FSAF1: variants seen among roughly 807,000 people sequenced by gnomAD.
FSAF1 encodes uncharacterized protein C1orf131.
At chr1:231,225,922 G>C in the FSAF1 span, 1 of 169,116 alleles carries the variant, frequency 5.9e-6, no homozygotes, top group Non-Finnish European at 1.1e-5. Flanking sequence ...GTGAAAGGTA[G>C]AAAGTGTAAC....
At chr1:231,226,859 A>G in the FSAF1 span, 1 of 1,591,500 alleles carries the variant, frequency 6.3e-7, no homozygotes, top group Non-Finnish European at 8.6e-7. Context: ...AAACCATCAT[A>G]TTTTATTCTG....
chr1:231,233,644 C>G, the FSAF1 span, among the ~76,000 whole-genome samples: 1 of 152,092 alleles, frequency 6.6e-6, no homozygotes, highest in Non-Finnish European at 1.5e-5. Context: ...ACTCCGCCTA[C>G]CGGGTTCAAG....
the FSAF1 span, chr1:231,239,018 C>T: frequency 5.6e-6 from 9 of 1,614,186 alleles, no homozygotes; most frequent in African/African-American, 2.7e-5. Context: ...CAATGCCGCT[C>T]TTCTCTAAGT....
At chr1:231,230,808 C>T in the FSAF1 span, among the ~76,000 whole-genome samples, 1 of 152,220 alleles carries the variant, frequency 6.6e-6, no homozygotes, top group African/African-American at 2.4e-5. Flanking sequence ...GAACTCTGCA[C>T]TTAATTCACA....
At chr1:231,227,565 G>A in the FSAF1 span, among the ~76,000 whole-genome samples, 167 of 150,320 alleles carry the variant, frequency 1.1e-3, no homozygotes, top group Middle Eastern at 3.5e-3. Flanking sequence ...GTGAGCCACC[G>A]TGCCTGGCTC....
chr1:231,240,052 T>C, the FSAF1 span, among the ~76,000 whole-genome samples: 1 of 152,198 alleles, frequency 6.6e-6, no homozygotes, highest in Non-Finnish European at 1.5e-5. This position sits in a 1 kb window ranked among gnomAD's most constrained non-coding sequence, Gnocchi z 4.1. Context: ...AAGCATGGGG[T>C]CTGGGGCTAG....
the FSAF1 span, among the ~76,000 whole-genome samples, chr1:231,235,495 C>CAA: frequency 2.0e-4 from 26 of 130,866 alleles, no homozygotes; most frequent in African/African-American, 6.8e-4. Context: ...GACTCCATCT[C>CAA]AAAAAAAAAA....
At chr1:231,231,752 A>G in the FSAF1 span, among the ~76,000 whole-genome samples, 1 of 152,170 alleles carries the variant, frequency 6.6e-6, no homozygotes, top group Non-Finnish European at 1.5e-5. Context: ...CGGCCTACAA[A>G]AGAAAGGAGC....
the FSAF1 span, chr1:231,224,240 C>T: frequency 6.3e-7 from 1 of 1,587,300 alleles, no homozygotes; most frequent in African/African-American, 1.4e-5. Context: ...CTGCAGTTGA[C>T]TCAGTTGTTC....
chr1:231,226,440 C>G, the FSAF1 span: 8 of 452,358 alleles, frequency 1.8e-5, no homozygotes, highest in Non-Finnish European at 3.2e-5. Context: ...GTCTGCAGAA[C>G]CATGCTCCAA....
the FSAF1 span, among the ~76,000 whole-genome samples, chr1:231,230,290 A>C: frequency 6.6e-6 from 1 of 152,178 alleles, no homozygotes; most frequent in Non-Finnish European, 1.5e-5. Flanking sequence ...GATGGCTGTG[A>C]GCAGGAATTT....
chr1:231,239,077 C>T, the FSAF1 span: 670 of 1,614,204 alleles, frequency 4.2e-4, no homozygotes, highest in Admixed American at 6.5e-4. Flanking sequence ...TATGAGAGAA[C>T]CAGGTAGGGG....
chr1:231,228,337 G>A, the FSAF1 span, among the ~76,000 whole-genome samples: 27 of 152,216 alleles, frequency 1.8e-4, no homozygotes, highest in East Asian at 2.5e-3. Flanking sequence ...GGTGGCTCAC[G>A]CATGTAATCC....
the FSAF1 span, chr1:231,224,495 C>T: frequency 2.1e-6 from 3 of 1,421,302 alleles, no homozygotes; most frequent in East Asian, 2.3e-5. Context: ...CAGGCCACTG[C>T]AGTCTGGCCT....
At chr1:231,240,785 G>C in the FSAF1 span, among the ~76,000 whole-genome samples, 2 of 152,132 alleles carry the variant, frequency 1.3e-5, no homozygotes, top group Admixed American at 6.5e-5. The surrounding 1 kb of genome is among the most constrained non-coding windows in gnomAD (Gnocchi z 4.1). Context: ...CAAGCAAGTA[G>C]GATGGTCCCC....
the FSAF1 span, chr1:231,238,645 T>C: frequency 6.2e-6 from 3 of 480,148 alleles, no homozygotes; most frequent in East Asian, 9.4e-5. Context: ...TGCTTTTCAC[T>C]GGAGGTCTAG....
the FSAF1 span, among the ~76,000 whole-genome samples, chr1:231,228,146 C>T: frequency 6.6e-6 from 1 of 152,202 alleles, no homozygotes. Context: ...GTCAGCAATA[C>T]CCACTCTTAG....
the FSAF1 span, among the ~76,000 whole-genome samples, chr1:231,228,190 C>T: frequency 6.6e-6 from 1 of 152,166 alleles, no homozygotes; most frequent in Non-Finnish European, 1.5e-5. Flanking sequence ...TTTTTTCTTA[C>T]GTGTTTTTTA....
At chr1:231,229,020 T>C in the FSAF1 span, 1 of 549,890 alleles carries the variant, frequency 1.8e-6, no homozygotes, top group South Asian at 3.5e-5. Context: ...TTATAATACC[T>C]AACATCTATA....
Sources: gnomAD v4.1 joint callset for allele counts (sites outside exome capture counted in the v4.1 genomes callset) on GRCh38, gnomAD v4.1.1 for gene constraint, Gnocchi (gnomAD v3.1) non-coding constraint, MANE v1.5 for transcripts, NCBI Gene and HGNC (gene_info 2026-07-23, HGNC 2026-07-21) for gene names.